Variants in ZNF608 observed in about 807,000 individuals in gnomAD.
The protein encoded by ZNF608 is renal carcinoma antigen NY-REN-36.
In ZNF608, 12 loss-of-function variants were observed where a neutral mutation model predicts 109.0. That is an observed-to-expected ratio of 0.11 (90% CI 0.07 to 0.18). The LOEUF (loss-of-function observed/expected upper bound fraction) is 0.18. ZNF608 is among the 10% of genes least tolerant of loss of function. ZNF608 has a pLI of 1.00. For missense variants in ZNF608, 1,707 were observed against 1,879.3 expected, an observed-to-expected ratio of 0.91 and a Z score of 1.70; for synonymous variants, 732 against 717.4, an observed-to-expected ratio of 1.02 and a Z score of -0.33.
chr5:124,652,021 C>T (rs1750808837), intron 3 of ZNF608, among the ~76,000 whole-genome samples: 3 of 152,254 alleles, frequency 2.0e-5, no homozygotes, highest in Admixed American at 2.0e-4. Context: ...CACAACACGC[C>T]GGCCCACGCA....
chr5:124,695,257 AAAT>A (rs1226096854), intron 3 of ZNF608, among the ~76,000 whole-genome samples: 2 of 152,192 alleles, frequency 1.3e-5, no homozygotes, highest in African/African-American at 4.8e-5. Flanking sequence ...ATACCTCAAT[AAAT>A]AATATTTCAC....
chr5:124,641,121 T>C (rs1750215316), intron 8 of ZNF608, 131 bp downstream of exon 8: 1 of 1,112,240 alleles, frequency 9.0e-7, no homozygotes, highest in Non-Finnish European at 1.3e-6. Flanking sequence ...CACTAGAAAA[T>C]AAGTGTTAAA....
intron 3 of ZNF608, among the ~76,000 whole-genome samples, chr5:124,658,210 G>C (rs551807174): frequency 6.6e-6 from 1 of 152,178 alleles, no homozygotes; most frequent in East Asian, 1.9e-4. Context: ...CATTTAACTG[G>C]GATGCATCAA....
upstream of ZNF608, chr5:124,746,673 T>C (rs1295601023): frequency 2.5e-5 from 25 of 984,844 alleles, no homozygotes; most frequent in Admixed American, 1.4e-3. Context: ...GATAAATTAG[T>C]GAAAGGGAAG....
intron 3 of ZNF608, among the ~76,000 whole-genome samples, chr5:124,673,228 C>T (rs1751803585): frequency 6.6e-6 from 1 of 152,142 alleles, no homozygotes; most frequent in Non-Finnish European, 1.5e-5. Context: ...ACTCAGTGTA[C>T]TTAACTCACA....
intron 3 of ZNF608, among the ~76,000 whole-genome samples, chr5:124,683,950 T>G (rs765140703): frequency 6.6e-6 from 1 of 152,212 alleles, no homozygotes; most frequent in Non-Finnish European, 1.5e-5. Flanking sequence ...AATGGGTTCA[T>G]TCTTCTTTGG....
chr5:124,667,168 C>T (rs1430988005), intron 3 of ZNF608, among the ~76,000 whole-genome samples: 2 of 152,170 alleles, frequency 1.3e-5, no homozygotes, highest in Non-Finnish European at 2.9e-5. Context: ...ATAACATCTA[C>T]TTAGACCGTA....
intron 3 of ZNF608, among the ~76,000 whole-genome samples, chr5:124,665,851 A>G (rs768288348): frequency 6.6e-6 from 1 of 152,112 alleles, no homozygotes; most frequent in Non-Finnish European, 1.5e-5. Context: ...TATCCAACAA[A>G]TCTCCTCCCA....
Position 124,649,666 on chromosome 5 carries a change from G to A in ZNF608, c.1194C>T (p.Asn398=), listed in dbSNP as rs1455619872. 1.9e-6 allele frequency: 3 copies of A among 1,609,584 alleles called. No individual in the cohort carries two copies. In the Admixed American group the frequency reaches 5.0e-5, roughly 27 times the overall value. ...GVLVVNVTWR[N]KTYVGTLLDC... Reference sequence around the variant, plus strand: ...CCAGTAGGGTTCCCACGTACGTTTTGTTCCTCCACGTGACATTGACCACTA... The same window carrying A: ...CCAGTAGGGTTCCCACGTACGTTTTATTCCTCCACGTGACATTGACCACTA... The change falls in exon 4 of 10, where the codon AAC becomes AAT. Residue 398 remains asparagine (N), a synonymous_variant. Transcript: ENST00000513986.
intron 3 of ZNF608, among the ~76,000 whole-genome samples, chr5:124,656,479 C>T (rs1751011785): frequency 6.6e-6 from 1 of 152,036 alleles, no homozygotes; most frequent in Admixed American, 6.6e-5. Context: ...ATTTTCAGGG[C>T]ATTAGGAACA....
Position 124,648,083 on chromosome 5 carries a change from T to C in ZNF608, c.2301A>G (p.Gly767=). 6 of 1,613,704 alleles carry C rather than the reference T, an allele frequency of 3.7e-6. No individual in the cohort carries two copies. The highest frequency in any genetic ancestry group is 5.1e-6 in the Non-Finnish European group (6 of 1,179,926). ...CAACAGTTGTTGTGAGGGAGGGCAG[T>C]CCGGGTATTGTCCCAGTGGTGGTCG... The part of the protein sequence containing the change: ...FTTTTTGTIP[G]LPSLTTTVVQ... Residue 767 remains glycine (G), a synonymous_variant, in exon 5 of 10, where the codon GGA becomes GGG. Transcript: ENST00000513986.
upstream of ZNF608, chr5:124,746,802 G>T (rs1286395015): frequency 2.0e-6 from 2 of 983,802 alleles, no homozygotes; most frequent in Non-Finnish European, 2.4e-6. Flanking sequence ...GAGAAAAGGA[G>T]GGGGGGAGTA....
At chr5:124,651,390 T>A (rs1396156088) in intron 3 of ZNF608, among the ~76,000 whole-genome samples, 3 of 152,168 alleles carry the variant, frequency 2.0e-5, no homozygotes, top group Non-Finnish European at 2.9e-5. Context: ...TCTGGGGCAC[T>A]GTGTGTGGTG....
intron 7 of ZNF608, 133 bp downstream of exon 7, chr5:124,643,378 G>A (rs6878299): frequency 0.043 from 33,633 of 790,840 alleles, 1,730 homozygotes; most frequent in East Asian, 0.25. Context: ...CATTCTTTAC[G>A]TATTAGGATA....
chr5:124,728,728 G>A (rs1034809621), intron 2 of ZNF608, among the ~76,000 whole-genome samples: 1 of 152,000 alleles, frequency 6.6e-6, no homozygotes, highest in Non-Finnish European at 1.5e-5. Flanking sequence ...TAAATATGTT[G>A]ATTTATAAAT....
chr5:124,641,310 G>A lies in ZNF608; in HGVS notation c.4392C>T (p.His1464=), dbSNP rs777892028. 4.3e-6 allele frequency: 7 copies of A among 1,613,974 alleles called. No homozygotes were observed. The highest frequency in any genetic ancestry group is 1.7e-4 in the Middle Eastern group (1 of 5,922). ...PFGQRHLHTH[H]HTHVGMGYPL... Reference sequence around the variant, plus strand: ...GGTAACCCATGCCAACGTGGGTGTGGTGGTGCGTGTGCAGGTGCCGCTGGC... The same window carrying A: ...GGTAACCCATGCCAACGTGGGTGTGATGGTGCGTGTGCAGGTGCCGCTGGC... Residue 1464 remains histidine (H), a synonymous_variant, in exon 8 of 10, where the codon CAC becomes CAT. Transcript: ENST00000513986.
rs756545376 is a variant in ZNF608, at chr5:124,701,057, G to T, written c.1119C>A (p.Thr373=). 1 of 1,614,052 alleles carries T rather than the reference G, an allele frequency of 6.2e-7. No homozygotes were observed. The highest frequency in any genetic ancestry group is 8.5e-7 in the Non-Finnish European group (1 of 1,180,004). The change falls in exon 3 of 10, where the codon ACC becomes ACA. Residue 373 remains threonine (T), a synonymous_variant. Coordinates refer to ENST00000513986, the MANE Select transcript of ZNF608 (RefSeq NM_020747.3). ...ACACGATCCCTTCCAAATTCACACT[G>T]GTCCCAGGTTCACAGGGCCCAAGAC... ...PECLGPCEPG[T]SVNLEGIVWH... is the part of the protein sequence containing the mutation.
intron 3 of ZNF608, among the ~76,000 whole-genome samples, chr5:124,667,175 C>T (rs6881692): frequency 0.13 from 20,317 of 152,102 alleles, 1,440 homozygotes; most frequent in East Asian, 0.22. Context: ...CTACTTAGAC[C>T]GTATTCACAA....
At chr5:124,684,447 C>A (rs1752321722) in intron 3 of ZNF608, among the ~76,000 whole-genome samples, 1 of 152,196 alleles carries the variant, frequency 6.6e-6, no homozygotes, top group African/African-American at 2.4e-5. Context: ...CCAGTGCTTT[C>A]TTCCAGGGTT....
Sources: gnomAD v4.1 joint callset for allele counts (sites outside exome capture counted in the v4.1 genomes callset) on GRCh38, gnomAD v4.1.1 for gene constraint, MANE v1.5 for transcripts, NCBI Gene and HGNC (gene_info 2026-07-23, HGNC 2026-07-21) for gene names.